The following NRXN3 variants were observed in gnomAD, a reference collection of about 807,000 sequenced individuals.
The protein encoded by NRXN3 is neurexin 3, also known as neurexin III.
A neutral mutation model predicts 137.6 loss-of-function variants in NRXN3; 32 were observed. The observed-to-expected ratio is 0.23, with a 90% CI of 0.18 to 0.31. The LOEUF (loss-of-function observed/expected upper bound fraction) is 0.31. Among genes scored for constraint, NRXN3 ranks in the 10% least tolerant of loss-of-function variants. The pLI is 1.00. For missense variants in NRXN3, 1,574 were observed against 2,062.5 expected, an observed-to-expected ratio of 0.76 and a Z score of 4.59; for synonymous variants, 798 against 784.5, an observed-to-expected ratio of 1.02 and a Z score of -0.29.
chr14:78,190,046 A>T (rs889227057), intron 1 of NRXN3, among the ~76,000 whole-genome samples: 2 of 152,318 alleles, frequency 1.3e-5, no homozygotes, highest in Middle Eastern at 3.4e-3. Context: ...ATCACCCTGA[A>T]GGCTGGTTGG....
chr14:78,821,752 C>T (rs74065218), intron 10 of NRXN3, among the ~76,000 whole-genome samples: 8,549 of 151,816 alleles, frequency 0.056, 521 homozygotes, highest in African/African-American at 0.15. Flanking sequence ...GAAGGATTAC[C>T]ATTTCCTTAC....
rs1182980061 is a variant in NRXN3, at chr14:79,427,841, A to AG, written c.3263-39380_3263-39379insG. Among the ~76,000 whole-genome samples, 7 of 152,106 alleles carry AG rather than the reference A, an allele frequency of 4.6e-5. No individual in the cohort carries two copies. The East Asian group carries it at 1.4e-3, about 29-fold the overall frequency. On this transcript the variant is annotated intron_variant, in intron 15 of 20. Transcript: ENST00000335750. The stretch of plus-strand genomic sequence containing the variant: ...GCGAGACTCCATCTCAAAAAAAAAA[A>AG]AAAAAATTAAAAACTTATTGTCTCA...
intron 15 of NRXN3, among the ~76,000 whole-genome samples, chr14:79,071,370 C>G (rs2099687508): frequency 6.6e-6 from 1 of 152,176 alleles, no homozygotes; most frequent in Non-Finnish European, 1.5e-5. Context: ...TCTCCTAATG[C>G]TATCCCTCTG....
At chr14:78,503,989 G>T (rs2095931844) in intron 4 of NRXN3, among the ~76,000 whole-genome samples, 1 of 152,178 alleles carries the variant, frequency 6.6e-6, no homozygotes, top group African/African-American at 2.4e-5. Flanking sequence ...AGTCACATAA[G>T]TATGGCAAAT....
intron 19 of NRXN3, among the ~76,000 whole-genome samples, chr14:79,728,342 T>C (rs1339114796): frequency 6.6e-6 from 1 of 152,150 alleles, no homozygotes; most frequent in African/African-American, 2.4e-5. Flanking sequence ...ATTTTCAGCA[T>C]GGGGTTAGGT....
At chr14:79,400,862 A>G (rs1295064565) in intron 15 of NRXN3, among the ~76,000 whole-genome samples, 1 of 152,232 alleles carries the variant, frequency 6.6e-6, no homozygotes, top group Admixed American at 6.5e-5. Context: ...TGTTGCATAT[A>G]GCCCCCCGTA....
intron 15 of NRXN3, among the ~76,000 whole-genome samples, chr14:79,350,079 T>G (rs1263722441): frequency 1.3e-5 from 2 of 152,222 alleles, no homozygotes; most frequent in Non-Finnish European, 1.5e-5. Flanking sequence ...ATATGAAAGC[T>G]TCCCCAAACA....
At chr14:79,148,084 GA>G (rs1315084605) in intron 15 of NRXN3, among the ~76,000 whole-genome samples, 1 of 152,094 alleles carries the variant, frequency 6.6e-6, no homozygotes, top group African/African-American at 2.4e-5. Flanking sequence ...CTAAATTCTG[GA>G]TGGTGAAAAA....
chr14:78,759,060 C>A (rs747110744), intron 8 of NRXN3, among the ~76,000 whole-genome samples: 2 of 152,204 alleles, frequency 1.3e-5, no homozygotes, highest in Non-Finnish European at 2.9e-5. Flanking sequence ...AAAAGATGTT[C>A]TCATCCTGAC....
chr14:78,457,439 G>A (rs1006103183), intron 4 of NRXN3, among the ~76,000 whole-genome samples: 3 of 152,198 alleles, frequency 2.0e-5, no homozygotes, highest in African/African-American at 7.2e-5. Flanking sequence ...TGATAGAGGA[G>A]AGGGTGACAG....
chr14:79,632,217 T>C (rs112971117), intron 16 of NRXN3: 8,486 of 153,422 alleles, frequency 0.055, 285 homozygotes, highest in Middle Eastern at 0.12. Context: ...ACTCTGAACA[T>C]GTCCGAACAT....
At chr14:78,432,300 GT>G (rs3037827) in intron 4 of NRXN3, among the ~76,000 whole-genome samples, 110 of 142,432 alleles carry the variant, frequency 7.7e-4, no homozygotes, top group Non-Finnish European at 7.9e-4. Flanking sequence ...CTGCACTCAG[GT>G]TTTTTTTTTT....
intron 19 of NRXN3, among the ~76,000 whole-genome samples, chr14:79,783,598 T>A (rs1568238308): frequency 1.3e-5 from 2 of 152,194 alleles, no homozygotes. Context: ...AATTTCCAAA[T>A]AAAATCCTTT....
intron 15 of NRXN3, among the ~76,000 whole-genome samples, chr14:79,151,243 C>G (rs1044603628): frequency 1.3e-5 from 2 of 152,002 alleles, no homozygotes; most frequent in African/African-American, 4.8e-5. Flanking sequence ...TGAGGTAAAT[C>G]TTCAGATTAG....
intron 15 of NRXN3, among the ~76,000 whole-genome samples, chr14:79,189,221 G>A (rs1290570149): frequency 1.3e-5 from 2 of 151,962 alleles, no homozygotes; most frequent in Non-Finnish European, 2.9e-5. Context: ...AAAATGATGA[G>A]TTCACGTCCT....
Position 78,959,572 on chromosome 14 carries a change from C to G in NRXN3, c.2395+2211C>G, listed in dbSNP as rs571163390. 3.3e-5 allele frequency among the ~76,000 whole-genome samples: 5 copies of G among 152,280 alleles called. No homozygotes were observed. The East Asian group carries it at 9.7e-4, about 29-fold the overall frequency. ...TCTCCCTCACAAAAACAAAGACAAACAGAACCACCACAACAATTACCCAAA... is the reference window on the plus strand; with the variant it reads ...TCTCCCTCACAAAAACAAAGACAAAGAGAACCACCACAACAATTACCCAAA... On this transcript the variant is annotated intron_variant, in intron 11 of 20. Coordinates refer to ENST00000335750, the MANE Select transcript of NRXN3 (RefSeq NM_001330195.2).
At chr14:79,831,422 G>A (rs553822668) in intron 20 of NRXN3, among the ~76,000 whole-genome samples, 1 of 152,274 alleles carries the variant, frequency 6.6e-6, no homozygotes, top group South Asian at 2.1e-4. Context: ...TTAGACAAAG[G>A]CTTGACGATT....
At chr14:78,948,385 G>C (rs2099373309) in intron 10 of NRXN3, among the ~76,000 whole-genome samples, 1 of 152,112 alleles carries the variant, frequency 6.6e-6, no homozygotes, top group Non-Finnish European at 1.5e-5. Context: ...TTTCTTGGTT[G>C]CTCTTTCTTG....
intron 15 of NRXN3, among the ~76,000 whole-genome samples, chr14:79,158,931 A>G (rs1351681408): frequency 6.6e-6 from 1 of 151,872 alleles, no homozygotes; most frequent in Non-Finnish European, 1.5e-5. Flanking sequence ...ATTATTTCCC[A>G]TCAAAACTCT....
Sources: gnomAD v4.1 joint callset for allele counts (sites outside exome capture counted in the v4.1 genomes callset) on GRCh38, gnomAD v4.1.1 for gene constraint, MANE v1.5 for transcripts, NCBI Gene and HGNC (gene_info 2026-07-23, HGNC 2026-07-21) for gene names.